GPC5: variants seen among roughly 807,000 people sequenced by gnomAD.
GPC5 encodes the protein glypican-5.
A neutral mutation model predicts 53.9 loss-of-function variants in GPC5; 47 were observed. That is an observed-to-expected ratio of 0.87 (90% CI 0.69 to 1.11). GPC5 has a LOEUF of 1.11. Ranked by LOEUF, GPC5 falls within the 50% of genes most tolerant of loss-of-function variation. The probability of loss-of-function intolerance (pLI) is 0.00; values close to 1 mark genes in which losing one functional copy is unlikely to be tolerated. For missense variants in GPC5, 748 were observed against 713.1 expected (o/e 1.05, Z -0.56); for synonymous variants, 286 against 263.3 (o/e 1.09, Z -0.84).
At chr13:91,907,894 C>T (rs747363004) in intron 5 of GPC5, 43 bp from the exon 6 acceptor site, 7 of 1,584,554 alleles carry the variant, frequency 4.4e-6, no homozygotes, top group Non-Finnish European at 8.5e-7. Flanking sequence ...AGATAATACC[C>T]TGATCAGGTA....
chr13:91,972,906 C>T (rs2139094431), intron 6 of GPC5, among the ~76,000 whole-genome samples: 1 of 152,248 alleles, frequency 6.6e-6, no homozygotes, highest in Non-Finnish European at 1.5e-5. Flanking sequence ...AACATTTTTT[C>T]CTTCATTTCA....
At chr13:92,316,242 C>A (rs1327040564) in intron 7 of GPC5, among the ~76,000 whole-genome samples, 2 of 152,032 alleles carry the variant, frequency 1.3e-5, no homozygotes, top group Non-Finnish European at 2.9e-5. Context: ...ACACCTTTTT[C>A]TTTCTATCCA....
intron 2 of GPC5, among the ~76,000 whole-genome samples, chr13:91,553,511 C>T (rs544946685): frequency 2.0e-5 from 3 of 152,116 alleles, no homozygotes; most frequent in South Asian, 2.1e-4. Flanking sequence ...TTTTCTGTCA[C>T]CCAGTTCAAT....
chr13:91,886,392 A>G (rs1265464371), intron 5 of GPC5, among the ~76,000 whole-genome samples: 1 of 152,166 alleles, frequency 6.6e-6, no homozygotes, highest in East Asian at 1.9e-4. Context: ...AGATTTGGGT[A>G]GGAACATAGC....
intron 2 of GPC5, among the ~76,000 whole-genome samples, chr13:91,471,385 A>C (rs1183011256): frequency 1.3e-5 from 2 of 152,080 alleles, no homozygotes; most frequent in Non-Finnish European, 2.9e-5. Context: ...AATACATTTA[A>C]TCCTTACTAT....
chr13:92,291,443 G>A (rs1002135253), intron 7 of GPC5, among the ~76,000 whole-genome samples: 1 of 152,148 alleles, frequency 6.6e-6, no homozygotes, highest in African/African-American at 2.4e-5. Context: ...GTTTGTGAAT[G>A]CACCAATCGA....
intron 6 of GPC5, among the ~76,000 whole-genome samples, chr13:92,013,585 C>T (rs540891418): frequency 6.6e-6 from 1 of 152,154 alleles, no homozygotes; most frequent in Non-Finnish European, 1.5e-5. Flanking sequence ...CAGGAATAGA[C>T]ATTCTCGCTT....
intron 6 of GPC5, among the ~76,000 whole-genome samples, chr13:92,056,432 A>T (rs2041075099): frequency 6.6e-6 from 1 of 152,120 alleles, no homozygotes; most frequent in Non-Finnish European, 1.5e-5. Flanking sequence ...TAACATACTC[A>T]CAGGTTTTGG....
chr13:92,716,257 T>G (rs1239095599), intron 7 of GPC5, among the ~76,000 whole-genome samples: 1 of 152,172 alleles, frequency 6.6e-6, no homozygotes, highest in Non-Finnish European at 1.5e-5. Context: ...TTCTGCTACT[T>G]CCTGCTTCTT....
intron 6 of GPC5, among the ~76,000 whole-genome samples, chr13:91,929,120 A>G (rs1484135149): frequency 1.3e-5 from 2 of 152,078 alleles, no homozygotes; most frequent in Non-Finnish European, 1.5e-5. Flanking sequence ...GGCATGTACT[A>G]TTATTTTAAT....
chr13:92,257,599 G>A (rs1454665932), intron 7 of GPC5, among the ~76,000 whole-genome samples: 1 of 122,146 alleles, frequency 8.2e-6, no homozygotes, highest in African/African-American at 3.3e-5. Context: ...CTCCCAGACT[G>A]GAGTGCAATG....
chr13:91,799,046 C>T (rs533013261), intron 5 of GPC5, among the ~76,000 whole-genome samples: 117 of 152,000 alleles, frequency 7.7e-4, no homozygotes, highest in African/African-American at 2.4e-3. Flanking sequence ...TGTTCCTTAC[C>T]GTACTATTCA....
intron 7 of GPC5, among the ~76,000 whole-genome samples, chr13:92,819,501 G>A (rs139868803): frequency 0.013 from 2,055 of 152,304 alleles, 24 homozygotes; most frequent in Non-Finnish European, 0.02. Context: ...TTAATAAAAT[G>A]AAGCGGTTTG....
chr13:92,513,269 T>G (rs757378487), intron 7 of GPC5, among the ~76,000 whole-genome samples: 3 of 152,154 alleles, frequency 2.0e-5, no homozygotes, highest in Non-Finnish European at 4.4e-5. Context: ...TCATTGACAG[T>G]GTGCTTAGGG....
At chr13:91,617,205 C>A (rs1457303463) in intron 2 of GPC5, among the ~76,000 whole-genome samples, 1 of 152,040 alleles carries the variant, frequency 6.6e-6, no homozygotes, top group Non-Finnish European at 1.5e-5. Context: ...GAGCAAAATG[C>A]GTAAACATAT....
At chr13:91,898,984 T>A (rs1348867476) in intron 5 of GPC5, among the ~76,000 whole-genome samples, 2 of 152,142 alleles carry the variant, frequency 1.3e-5, no homozygotes, top group African/African-American at 2.4e-5. Flanking sequence ...GCTAATTTAA[T>A]GAAATTGGTC....
At chr13:91,809,931 G>A (rs1007345030) in intron 5 of GPC5, among the ~76,000 whole-genome samples, 1 of 151,986 alleles carries the variant, frequency 6.6e-6, no homozygotes, top group African/African-American at 2.4e-5. Context: ...AGCCTTTAGG[G>A]AAGGTTATGG....
intron 7 of GPC5, chr13:92,340,564 A>T (rs1011648669): frequency 5.3e-5 from 8 of 152,130 alleles, no homozygotes; most frequent in African/African-American, 1.9e-4. Flanking sequence ...ATAGTTACAA[A>T]ATGAAAATAG....
intron 7 of GPC5, among the ~76,000 whole-genome samples, chr13:92,464,027 T>C (rs1878596004): frequency 6.6e-6 from 1 of 152,198 alleles, no homozygotes; most frequent in South Asian, 2.1e-4. Context: ...GCTGTGTATA[T>C]ATCGTTTCAA....
Sources: allele counts gnomAD v4.1 joint callset (sites outside exome capture counted in the v4.1 genomes callset), GRCh38; gene constraint gnomAD v4.1.1; transcripts MANE v1.5; gene names NCBI Gene and HGNC (gene_info 2026-07-23, HGNC 2026-07-21).